C20orf203: variants seen among roughly 807,000 people sequenced by gnomAD.
The protein encoded by C20orf203 is chromosome 20 open reading frame 203, also known as uncharacterized protein C20orf203.
Under a neutral mutation model 15.9 loss-of-function variants are expected in C20orf203, and 16 were observed. The ratio of observed to expected loss-of-function variants is 1.01; its 90% CI spans 0.68 to 1.53. C20orf203 has a LOEUF of 1.53. C20orf203 is among the 40% of genes most tolerant of loss of function. The pLI, the probability that C20orf203 is intolerant of heterozygous loss-of-function variation, is 0.00. For missense variants in C20orf203, 263 were observed against 247.5 expected (o/e 1.06, Z -0.42); for synonymous variants, 98 against 97.2 (o/e 1.01, Z -0.05).
At chr20:32,659,753 G>A (rs1982846459) in intron 1 of C20orf203, among the ~76,000 whole-genome samples, 1 of 152,258 alleles carries the variant, frequency 6.6e-6, no homozygotes, top group Non-Finnish European at 1.5e-5. Flanking sequence ...AGGAAGAGGT[G>A]CAAGCCAGAG....
chr20:32,650,488 G>T lies in C20orf203; in HGVS notation c.529C>A (p.Pro177Thr). 1 of 1,550,620 alleles carries T rather than the reference G, an allele frequency of 6.4e-7. No homozygotes were observed. Among genetic ancestry groups the T allele is most frequent in the South Asian group, 1.2e-5 (1 of 84,068 alleles). ...AGAAACTGCTGCTTGCTAATTAAAG[G>T]TGCAGGCAACTTGCCTGGCAAGGAT... is the stretch of plus-strand genomic sequence containing the variant. ...LPSLPGKLPAPLISKQQFLSN... is the reference protein window; with the variant it reads ...LPSLPGKLPATLISKQQFLSN... The change falls in exon 4 of 6, where the codon CCT becomes ACT. Residue 177 changes from proline to threonine, a missense_variant. Physicochemically the swap from Pro to Thr is conservative, Grantham distance 38. Coordinates refer to ENST00000608990, the MANE Select transcript of C20orf203 (RefSeq NM_182584.4).
At chr20:32,669,332 C>A (rs6057615) in intron 1 of C20orf203, among the ~76,000 whole-genome samples, 96 of 152,292 alleles carry the variant, frequency 6.3e-4, no homozygotes, top group African/African-American at 2.2e-3. Flanking sequence ...CATATGCCTC[C>A]GAGGACACAG....
In C20orf203 at chr20:32,631,740, G is replaced by C. The variant is rs1466387282; in HGVS notation, c.*3830C>G. Reference sequence around the variant, plus strand: ...TGCTAAAAATTAAAGAAGAAAAGCAGCTGGCCACATGGCTGGGAGCCTGAA... The same window carrying C: ...TGCTAAAAATTAAAGAAGAAAAGCACCTGGCCACATGGCTGGGAGCCTGAA... On this transcript the variant is annotated 3_prime_UTR_variant, in exon 6 of 6. Transcript: ENST00000608990. The C allele has an allele frequency of 6.6e-6, 1 of 152,248 alleles. No homozygotes were observed. The highest frequency in any genetic ancestry group is 1.5e-5 in the Non-Finnish European group (1 of 68,046). 9.4% of individuals were successfully genotyped at this position (152,248 alleles called of 1,614,324 possible).
At chr20:32,642,966 G>A (rs376213595) in intron 4 of C20orf203, among the ~76,000 whole-genome samples, 7 of 152,128 alleles carry the variant, frequency 4.6e-5, no homozygotes, top group Non-Finnish European at 8.8e-5. Flanking sequence ...CCAGGCTGCC[G>A]GTGGGAGGCT....
chr20:32,638,103 A>G (rs1240697605), intron 5 of C20orf203, among the ~76,000 whole-genome samples: 1 of 152,122 alleles, frequency 6.6e-6, no homozygotes, highest in Non-Finnish European at 1.5e-5. Flanking sequence ...AAGAGCCATC[A>G]TGCCTGGTTG....
intron 1 of C20orf203, chr20:32,656,928 C>T (rs1268898294): frequency 1.3e-5 from 2 of 151,430 alleles, no homozygotes; most frequent in African/African-American, 4.9e-5. Context: ...ACAACCACAA[C>T]CCAAATGTCC....
intron 1 of C20orf203, among the ~76,000 whole-genome samples, chr20:32,663,749 T>C (rs1280252266): frequency 6.6e-6 from 1 of 152,220 alleles, no homozygotes; most frequent in Non-Finnish European, 1.5e-5. Flanking sequence ...ATGGAGCTGC[T>C]TGGGCGCTGG....
chr20:32,667,891 G>A (rs1334159025), intron 1 of C20orf203, among the ~76,000 whole-genome samples: 3 of 152,048 alleles, frequency 2.0e-5, no homozygotes, highest in South Asian at 2.1e-4. Context: ...GGATGGTCTC[G>A]ATCTCCTGAC....
At chr20:32,665,810 A>AT (rs1983005556) in intron 1 of C20orf203, among the ~76,000 whole-genome samples, 2 of 152,072 alleles carry the variant, frequency 1.3e-5, no homozygotes, top group African/African-American at 4.8e-5. Context: ...CTTAAAAAAA[A>AT]ATTTTTTTTT....
chr20:32,645,554 C>G (rs955985219), intron 4 of C20orf203, among the ~76,000 whole-genome samples: 1 of 152,228 alleles, frequency 6.6e-6, no homozygotes, highest in Non-Finnish European at 1.5e-5. Flanking sequence ...TCCTCTCCTG[C>G]GAGACCTCTC....
intron 1 of C20orf203, among the ~76,000 whole-genome samples, chr20:32,665,997 C>T (rs1479532494): frequency 6.6e-6 from 1 of 151,562 alleles, no homozygotes; most frequent in Non-Finnish European, 1.5e-5. Context: ...GCCGGGTGTG[C>T]TGGCGCATGC....
intron 1 of C20orf203, among the ~76,000 whole-genome samples, chr20:32,654,713 A>T (rs1451513629): frequency 6.6e-6 from 1 of 152,024 alleles, no homozygotes; most frequent in African/African-American, 2.4e-5. Flanking sequence ...GTGTGGTGGC[A>T]TGTGCCTGTA....
chr20:32,646,523 T>C (rs1332021221), intron 4 of C20orf203, among the ~76,000 whole-genome samples: 1 of 152,152 alleles, frequency 6.6e-6, no homozygotes, highest in Non-Finnish European at 1.5e-5. Context: ...AGGATTAAAC[T>C]GTGTGTCAAG....
chr20:32,661,551 G>C (rs770724998), intron 1 of C20orf203, among the ~76,000 whole-genome samples: 1 of 152,176 alleles, frequency 6.6e-6, no homozygotes. Context: ...GGAAAGACTG[G>C]GAGAAGCAGC....
chr20:32,666,191 G>C (rs1983020386), intron 1 of C20orf203, among the ~76,000 whole-genome samples: 4 of 149,180 alleles, frequency 2.7e-5, no homozygotes, highest in Admixed American at 2.7e-4. Flanking sequence ...AAAGTTGGTT[G>C]AGTGTGGTGG....
At chr20:32,665,319 C>T (rs1982992102) in intron 1 of C20orf203, among the ~76,000 whole-genome samples, 1 of 152,256 alleles carries the variant, frequency 6.6e-6, no homozygotes, top group Admixed American at 6.5e-5. Flanking sequence ...CCACCCTCCT[C>T]CAGACACCTG....
chr20:32,648,406 A>T (rs1292707497), intron 4 of C20orf203, among the ~76,000 whole-genome samples: 1 of 142,722 alleles, frequency 7.0e-6, no homozygotes, highest in Non-Finnish European at 1.5e-5. Flanking sequence ...GCTTCATGGC[A>T]CTAACCATTG....
chr20:32,665,317 C>T (rs1160501110), intron 1 of C20orf203, among the ~76,000 whole-genome samples: 1 of 152,260 alleles, frequency 6.6e-6, no homozygotes, highest in African/African-American at 2.4e-5. Context: ...ATCCACCCTC[C>T]TCCAGACACC....
intron 1 of C20orf203, among the ~76,000 whole-genome samples, chr20:32,659,923 ACATCAT>A (rs149910453): frequency 6.6e-6 from 1 of 152,104 alleles, no homozygotes; most frequent in South Asian, 2.1e-4. Flanking sequence ...TATTATATTA[ACATCAT>A]CATCATCATC....
Sources: allele counts gnomAD v4.1 joint callset (sites outside exome capture counted in the v4.1 genomes callset), GRCh38; gene constraint gnomAD v4.1.1; transcripts MANE v1.5; gene names NCBI Gene and HGNC (gene_info 2026-07-23, HGNC 2026-07-21).